Variants in PCAT7 observed in about 807,000 individuals in gnomAD.
The protein encoded by PCAT7 is prostate cancer associated transcript 7 (non-protein coding).
intron 2 of PCAT7, among the ~76,000 whole-genome samples, chr9:94,563,159 C>T (rs1292742199): frequency 1.3e-5 from 2 of 152,212 alleles, no homozygotes; most frequent in Non-Finnish European, 2.9e-5. Flanking sequence ...CTGTCGCCTT[C>T]TTCTTCAAAC....
At chr9:94,563,306 G>A (rs1397787998) in intron 2 of PCAT7, 1 of 1,608,440 alleles carries the variant, frequency 6.2e-7, no homozygotes, top group Admixed American at 1.7e-5. Flanking sequence ...CCACCTCCCT[G>A]ACCGGATGCA....
intron 2 of PCAT7, among the ~76,000 whole-genome samples, chr9:94,566,174 C>G (rs1428659427): frequency 6.6e-6 from 1 of 152,196 alleles, no homozygotes. Flanking sequence ...CTTAAAAAAC[C>G]TTTAAAGGGC....
intron 1 of PCAT7, among the ~76,000 whole-genome samples, chr9:94,556,355 CGTG>C (rs1827012557): frequency 6.6e-6 from 1 of 151,290 alleles, no homozygotes; most frequent in African/African-American, 2.4e-5. Context: ...TGGGGAAAAG[CGTG>C]GTGAGCGGGA....
chr9:94,562,946 T>G (rs565466357), intron 2 of PCAT7, among the ~76,000 whole-genome samples: 1 of 152,270 alleles, frequency 6.6e-6, no homozygotes, highest in East Asian at 1.9e-4. Flanking sequence ...ATGTGTACGT[T>G]TACATGCATT....
At chr9:94,559,246 G>GGTGCGCTCATGCT in intron 2 of PCAT7, 1 of 852,192 alleles carries the variant, frequency 1.2e-6, no homozygotes, top group Non-Finnish European at 1.8e-6. Context: ...TGGCTAGCAT[G>GGTGCGCTCATGCT]AGCGCACCAT....
intron 2 of PCAT7, chr9:94,571,462 C>T (rs770324642): frequency 9.9e-6 from 16 of 1,608,930 alleles, no homozygotes; most frequent in East Asian, 2.2e-5. Flanking sequence ...CTGTACCTAC[C>T]GGGTCAAGCA....
intron 3 of PCAT7, among the ~76,000 whole-genome samples, chr9:94,573,414 A>T (rs1415525946): frequency 6.6e-6 from 1 of 151,660 alleles, no homozygotes; most frequent in Non-Finnish European, 1.5e-5. Context: ...ATGCACTACC[A>T]CCCCCCTCTC....
chr9:94,562,241 C>T (rs1398680476), intron 2 of PCAT7, among the ~76,000 whole-genome samples: 1 of 138,134 alleles, frequency 7.2e-6, no homozygotes, highest in Non-Finnish European at 1.5e-5. Flanking sequence ...ACCTGGGAGG[C>T]GGAGCTTGCA....
At chr9:94,554,738 C>T (rs1262750139), upstream of PCAT7, among the ~76,000 whole-genome samples, 1 of 152,178 alleles carries the variant, frequency 6.6e-6, no homozygotes, top group Non-Finnish European at 1.5e-5. Flanking sequence ...TCCCTCCTAC[C>T]GCTCCGTCAC....
chr9:94,559,483 T>G (rs2993965), intron 2 of PCAT7, among the ~76,000 whole-genome samples: 147,615 of 152,154 alleles, frequency 0.97, 71,614 homozygotes, highest in East Asian at 1. Context: ...CTGCAGGCCT[T>G]GGTGGAAGCC....
intron 2 of PCAT7, among the ~76,000 whole-genome samples, chr9:94,562,897 G>A (rs535453861): frequency 7.9e-5 from 12 of 152,314 alleles, no homozygotes; most frequent in Admixed American, 3.3e-4. Context: ...GCGGACTTCA[G>A]GGCATCAGTG....
intron 2 of PCAT7, among the ~76,000 whole-genome samples, chr9:94,565,553 ATCTT>A (rs1285747849): frequency 6.6e-6 from 1 of 152,180 alleles, no homozygotes; most frequent in Non-Finnish European, 1.5e-5. Flanking sequence ...TACAGAAAGA[ATCTT>A]TCAGCAGACA....
chr9:94,562,695 A>T (rs1827126656), intron 2 of PCAT7, among the ~76,000 whole-genome samples: 1 of 152,168 alleles, frequency 6.6e-6, no homozygotes, highest in Non-Finnish European at 1.5e-5. Context: ...TAAAATTCAG[A>T]TGCATTTTTA....
intron 2 of PCAT7, among the ~76,000 whole-genome samples, chr9:94,562,336 T>C (rs7037602): frequency 3.4e-5 from 5 of 145,010 alleles, no homozygotes; most frequent in Admixed American, 2.1e-4. Flanking sequence ...AAAAAAAGAA[T>C]GTCCATTGTC....
chr9:94,556,857 G>T (rs1827020325), intron 1 of PCAT7, among the ~76,000 whole-genome samples: 1 of 152,132 alleles, frequency 6.6e-6, no homozygotes, highest in African/African-American at 2.4e-5. Context: ...GTAGATTTTT[G>T]TATATGGTAA....
At chr9:94,567,437 AAGAG>A (rs1412645345) in intron 2 of PCAT7, 1 of 1,583,188 alleles carries the variant, frequency 6.3e-7, no homozygotes, top group Middle Eastern at 1.7e-4. Context: ...TGCCAGGAAG[AAGAG>A]AGAAGCCAGG....
At chr9:94,563,297 C>T (rs762626020) in intron 2 of PCAT7, 6 of 1,597,968 alleles carry the variant, frequency 3.8e-6, no homozygotes, top group South Asian at 2.2e-5. Context: ...GGAGCTCCCC[C>T]ACCTCCCTGA....
At chr9:94,556,079 T>A (rs1827007634) in intron 1 of PCAT7, among the ~76,000 whole-genome samples, 1 of 141,578 alleles carries the variant, frequency 7.1e-6, no homozygotes, top group South Asian at 2.3e-4. Flanking sequence ...TTTGGGTAGA[T>A]GGAGAAGGGA....
intron 2 of PCAT7, chr9:94,570,100 T>G (rs1827251301): frequency 1.3e-5 from 2 of 152,250 alleles, no homozygotes; most frequent in South Asian, 4.1e-4. Context: ...TTCTGTCATG[T>G]TGACAAGCTC....
Sources: allele counts gnomAD v4.1 joint callset (sites outside exome capture counted in the v4.1 genomes callset), GRCh38; gene constraint gnomAD v4.1.1; transcripts MANE v1.5; gene names NCBI Gene and HGNC (gene_info 2026-07-23, HGNC 2026-07-21).